PTPN14: variants seen among roughly 807,000 people sequenced by gnomAD.
The protein encoded by PTPN14 is protein tyrosine phosphatase non-receptor type 14, also known as tyrosine-protein phosphatase non-receptor type 14.
PTPN14 carries 53 observed loss-of-function variants against 126.8 expected under a neutral mutation model. The ratio of observed to expected loss-of-function variants is 0.42; its 90% CI spans 0.34 to 0.53. The LOEUF is 0.53. Among genes scored for constraint, PTPN14 ranks in the 20% least tolerant of loss-of-function variants. The pLI is 0.08. For missense variants in PTPN14, 1,257 were observed against 1,552.9 expected, an observed-to-expected ratio of 0.81 and a Z score of 3.20; for synonymous variants, 630 against 599.3, an observed-to-expected ratio of 1.05 and a Z score of -0.75.
At chr1:214,520,846 A>G (rs1260445054) in intron 1 of PTPN14, among the ~76,000 whole-genome samples, 2 of 152,066 alleles carry the variant, frequency 1.3e-5, no homozygotes, top group African/African-American at 2.4e-5. Flanking sequence ...TGGAGGTTAC[A>G]CATGGAGCTG....
chr1:214,443,877 T>C (rs1009287847), intron 3 of PTPN14, among the ~76,000 whole-genome samples: 22 of 152,210 alleles, frequency 1.4e-4, no homozygotes, highest in African/African-American at 4.3e-4. Context: ...TGGAAGTAAA[T>C]AGGGTCAGCA....
chr1:214,480,960 G>A (rs1291058399), intron 1 of PTPN14, among the ~76,000 whole-genome samples: 1 of 152,084 alleles, frequency 6.6e-6, no homozygotes, highest in East Asian at 1.9e-4. Context: ...CAGAGGCAAG[G>A]GCGAGAAAGA....
rs748318666 is a variant in PTPN14, at chr1:214,464,696, C to G, written c.108G>C (p.Thr36=). ...RLLDSNVIEC[T]LSVESTGQEC... ...CTTGCCCTGTGCTTTCCACCGACAG[C>G]GTGCACTCGATAACATTGCTGTCCA... Residue 36 remains threonine (T), a synonymous_variant, in exon 2 of 19, where the codon ACG becomes ACC. Transcript: ENST00000366956. 1 of 1,614,290 alleles carries G rather than the reference C, an allele frequency of 6.2e-7. No individual in the cohort carries two copies. The highest frequency in any genetic ancestry group is 2.2e-5 in the East Asian group (1 of 44,890).
intron 3 of PTPN14, among the ~76,000 whole-genome samples, chr1:214,421,062 C>G (rs954250291): frequency 6.6e-5 from 10 of 152,158 alleles, no homozygotes; most frequent in Admixed American, 6.5e-4. Flanking sequence ...AGTATATAGC[C>G]ACACAAACTG....
At chr1:214,499,057 T>C (rs1654615325) in intron 1 of PTPN14, among the ~76,000 whole-genome samples, 1 of 152,212 alleles carries the variant, frequency 6.6e-6, no homozygotes, top group Non-Finnish European at 1.5e-5. Context: ...CTCCCACCTC[T>C]GCCTCCCAAA....
In PTPN14 at chr1:214,364,796, TGTGTGTG is replaced by T; in HGVS notation, c.3272-128_3272-122del. The T allele has an allele frequency of 1.1e-6, 1 of 936,102 alleles. No individual in the cohort carries two copies. The highest frequency in any genetic ancestry group is 1.7e-5 in the South Asian group (1 of 57,912). 58.0% of individuals were successfully genotyped at this position (936,102 alleles called of 1,614,324 possible). ...GTGTGTGTGTGTGTGTGTGTGTGTG[TGTGTGTG>T]TGTTTTAAGTGACAATAATTTATAG... On this transcript the variant is annotated intron_variant, in intron 17 of 18. Transcript: ENST00000366956. This position sits in a 1 kb window ranked among gnomAD's most constrained non-coding sequence, Gnocchi z 4.1.
chr1:214,401,536 G>T, intron 7 of PTPN14, 149 bp downstream of exon 7: 1 of 665,754 alleles, frequency 1.5e-6, no homozygotes. Flanking sequence ...AAAAGCATTT[G>T]TTTATCTATA....
At chr1:214,476,755 C>T (rs759496659) in intron 1 of PTPN14, among the ~76,000 whole-genome samples, 1 of 152,164 alleles carries the variant, frequency 6.6e-6, no homozygotes, top group East Asian at 1.9e-4. Context: ...GAAGCTGGCT[C>T]GCTCCCTGCA....
At chr1:214,446,328 AT>A (rs1321135202) in intron 3 of PTPN14, among the ~76,000 whole-genome samples, 1 of 151,832 alleles carries the variant, frequency 6.6e-6, no homozygotes, top group East Asian at 1.9e-4. Flanking sequence ...TTGTTTTCTC[AT>A]TCAATTAACA....
intron 3 of PTPN14, among the ~76,000 whole-genome samples, chr1:214,450,221 T>C (rs1163401868): frequency 6.6e-6 from 1 of 151,564 alleles, no homozygotes; most frequent in African/African-American, 2.4e-5. Flanking sequence ...CCTGTCATCC[T>C]AGCACTTTGG....
intron 1 of PTPN14, chr1:214,482,903 T>TA: frequency 6.3e-7 from 1 of 1,592,506 alleles, no homozygotes. Context: ...TTACAGCTGA[T>TA]ACAGCACAGG....
At chr1:214,548,959 A>G (rs1181987154) in intron 1 of PTPN14, among the ~76,000 whole-genome samples, 1 of 152,206 alleles carries the variant, frequency 6.6e-6, no homozygotes, top group Non-Finnish European at 1.5e-5. Flanking sequence ...AAACTGGGCA[A>G]ATGTCTGGGA....
intron 16 of PTPN14, among the ~76,000 whole-genome samples, chr1:214,371,197 T>C (rs568745923): frequency 6.6e-6 from 1 of 152,308 alleles, no homozygotes; most frequent in Admixed American, 6.5e-5. Context: ...CAGAGGGTCC[T>C]TGGCCACCCC....
chr1:214,506,193 C>T (rs527497609), intron 1 of PTPN14, among the ~76,000 whole-genome samples: 3 of 152,230 alleles, frequency 2.0e-5, no homozygotes, highest in South Asian at 4.1e-4. Context: ...AGCCAATTTC[C>T]GCTAGCTTTT....
rs1558115019 is a variant in PTPN14 at position 214,464,876 on chromosome 1, G to T, written c.-73C>A. 2.6e-6 allele frequency: 4 copies of T among 1,561,478 alleles called. No homozygotes were observed. In the Admixed American group the frequency reaches 7.0e-5, roughly 27 times the overall value. The stretch of plus-strand genomic sequence containing the variant: ...CCTGAGATGGCCTTAGCAGTTTCGT[G>T]ACTGGAAAATTACACTATCACCTGT... On this transcript the variant is annotated 5_prime_UTR_variant, in exon 2 of 19. It introduces an in-frame stop codon into an upstream open reading frame of the 5' UTR. Transcript: ENST00000366956.
At chr1:214,543,467 C>G (rs997215938) in intron 1 of PTPN14, among the ~76,000 whole-genome samples, 1 of 152,122 alleles carries the variant, frequency 6.6e-6, no homozygotes, top group African/African-American at 2.4e-5. Flanking sequence ...ATAATACATA[C>G]TGATATCTGT....
chr1:214,366,918 A>G (rs1301379494), intron 17 of PTPN14, among the ~76,000 whole-genome samples: 3 of 148,970 alleles, frequency 2.0e-5, no homozygotes, highest in Non-Finnish European at 4.4e-5. Context: ...CGGGAGGCGG[A>G]GTTTGCAGTG....
At chr1:214,416,520 C>CTATCCACTG (rs1325885635) in intron 3 of PTPN14, among the ~76,000 whole-genome samples, 2 of 152,200 alleles carry the variant, frequency 1.3e-5, no homozygotes, top group African/African-American at 4.8e-5. Context: ...CAGATCCATT[C>CTATCCACTG]TATCCTAGGA....
chr1:214,487,753 A>C (rs1031152666), intron 1 of PTPN14, among the ~76,000 whole-genome samples: 4 of 152,234 alleles, frequency 2.6e-5, no homozygotes, highest in African/African-American at 7.2e-5. Context: ...TTGAGAGCTA[A>C]CATGTTAAGC....
Sources: gnomAD v4.1 joint callset for allele counts (sites outside exome capture counted in the v4.1 genomes callset) on GRCh38, gnomAD v4.1.1 for gene constraint, Gnocchi (gnomAD v3.1) non-coding constraint, MANE v1.5 for transcripts, NCBI Gene and HGNC (gene_info 2026-07-23, HGNC 2026-07-21) for gene names.